Variants in CMTM2 observed in about 807,000 individuals in gnomAD.
CMTM2 encodes the protein CKLF-like MARVEL transmembrane domain-containing protein 2.
In CMTM2, 15 loss-of-function variants were observed where a neutral mutation model predicts 16.8. The ratio of observed to expected loss-of-function variants is 0.89; its 90% CI spans 0.60 to 1.37. CMTM2 has a LOEUF of 1.37. Among genes scored for constraint, CMTM2 ranks in the 40% most tolerant of loss-of-function variants. The probability of loss-of-function intolerance (pLI) is 0.00; values close to 1 mark genes in which losing one functional copy is unlikely to be tolerated. For synonymous variants in CMTM2, 117 were observed against 118.7 expected, an observed-to-expected ratio of 0.99 and a Z score of 0.09; for missense variants, 282 against 318.0, an observed-to-expected ratio of 0.89 and a Z score of 0.86.
intron 2 of CMTM2, among the ~76,000 whole-genome samples, chr16:66,583,588 A>G (rs780114002): frequency 7.2e-5 from 11 of 152,232 alleles, no homozygotes; most frequent in Non-Finnish European, 1.5e-5. Flanking sequence ...GTAAGACACT[A>G]CATAGAGATT....
chr16:66,582,532 C>T (rs2014747647), intron 2 of CMTM2, among the ~76,000 whole-genome samples: 1 of 152,140 alleles, frequency 6.6e-6, no homozygotes, highest in Admixed American at 6.5e-5. Context: ...GAGACCCTGT[C>T]TCTACAAAAA....
intron 2 of CMTM2, among the ~76,000 whole-genome samples, chr16:66,582,791 A>G (rs1257686773): frequency 1.3e-5 from 2 of 151,976 alleles, no homozygotes; most frequent in Non-Finnish European, 2.9e-5. Flanking sequence ...GGAGAATGGC[A>G]TGAACCCGGG....
chr16:66,582,852 C>T (rs971751278), intron 2 of CMTM2, among the ~76,000 whole-genome samples: 2 of 151,476 alleles, frequency 1.3e-5, no homozygotes, highest in South Asian at 2.1e-4. Flanking sequence ...CCAGCCTGGG[C>T]GACAGAGTGA....
At position 66,580,139 on chromosome 16, in the gene CMTM2, C is replaced by G. The variant is rs2014702530; in HGVS notation, c.399C>G (p.Ser133Arg). Residue 133 changes from serine (S) to arginine (R), a missense_variant, in exon 2 of 4, where the codon AGC (serine) becomes AGG (arginine). Ser to Arg is a moderately radical substitution (Grantham distance 110). Coordinates refer to ENST00000268595, the MANE Select transcript of CMTM2 (RefSeq NM_144673.3). ...TCAGCTTCTTCATCTTACTGTACAGCTTTGCCATTCATAGATACATACCCT... is the reference window on the plus strand; with the variant it reads ...TCAGCTTCTTCATCTTACTGTACAGGTTTGCCATTCATAGATACATACCCT... ...SFFSFFILLY[S>R]FAIHRYIPFI... 6.2e-7 allele frequency: 1 copy of G among 1,614,174 alleles called. No homozygotes were observed. The highest frequency in any genetic ancestry group is 8.5e-7 in the Non-Finnish European group (1 of 1,180,022).
intron 3 of CMTM2, among the ~76,000 whole-genome samples, chr16:66,587,416 G>T (rs2014806136): frequency 6.6e-6 from 1 of 152,126 alleles, no homozygotes; most frequent in African/African-American, 2.4e-5. Flanking sequence ...AATTAGCCAG[G>T]CATGGTGGCA....
rs2014702167 is a variant in CMTM2, at chr16:66,580,119, T to A, written c.379T>A (p.Phe127Ile). The A allele has an allele frequency of 1.9e-6, 3 of 1,614,088 alleles. No individual in the cohort carries two copies. The highest frequency in any genetic ancestry group is 2.5e-6 in the Non-Finnish European group (3 of 1,180,030). Reference sequence around the variant, plus strand: ...CACCATGGAGATATCCTTCTTCAGCTTCTTCATCTTACTGTACAGCTTTGC... The same window carrying A: ...CACCATGGAGATATCCTTCTTCAGCATCTTCATCTTACTGTACAGCTTTGC... Reference protein sequence around the residue: ...IITMEISFFSFFILLYSFAIH... With the variant: ...IITMEISFFSIFILLYSFAIH... The change falls in exon 2 of 4, where the codon TTC (phenylalanine) becomes ATC (isoleucine). Residue 127 changes from phenylalanine to isoleucine, a missense_variant. Coordinates refer to ENST00000268595, the MANE Select transcript of CMTM2 (RefSeq NM_144673.3).
intron 2 of CMTM2, among the ~76,000 whole-genome samples, chr16:66,586,480 A>G (rs966735699): frequency 6.6e-6 from 1 of 152,038 alleles, no homozygotes; most frequent in Non-Finnish European, 1.5e-5. Context: ...TCTACTAAAA[A>G]TACACACAAA....
intron 2 of CMTM2, chr16:66,580,521 T>C (rs1045433131): frequency 9.1e-5 from 26 of 285,010 alleles, no homozygotes; most frequent in Non-Finnish European, 1.5e-4. Flanking sequence ...AGCTCACACT[T>C]GACAGGAGAT....
Position 66,579,544 on chromosome 16 carries a change from C to A in CMTM2, c.-64C>A. 4.4e-6 allele frequency: 7 copies of A among 1,594,204 alleles called. No homozygotes were observed. Among genetic ancestry groups the A allele is most frequent in the Non-Finnish European group, 6.0e-6 (7 of 1,171,476 alleles). On this transcript the variant is annotated 5_prime_UTR_variant, in exon 1 of 4. Coordinates refer to ENST00000268595, the MANE Select transcript of CMTM2 (RefSeq NM_144673.3). This position sits in a 1 kb window ranked among gnomAD's most constrained non-coding sequence, Gnocchi z 6.5. Reference sequence around the variant, plus strand: ...AGGCACTCTAGTAGGCCTGGCCTACCCAGAAACAGCAGGAGAGAGAAGAAA... The same window carrying A: ...AGGCACTCTAGTAGGCCTGGCCTACACAGAAACAGCAGGAGAGAGAAGAAA...
At chr16:66,584,316 G>A (rs1308921274) in intron 2 of CMTM2, among the ~76,000 whole-genome samples, 2 of 152,098 alleles carry the variant, frequency 1.3e-5, no homozygotes, top group Non-Finnish European at 2.9e-5. Flanking sequence ...TTACAGGTGT[G>A]AGCCACCACA....
chr16:66,585,577 G>C (rs948921998), intron 2 of CMTM2, among the ~76,000 whole-genome samples: 1 of 152,098 alleles, frequency 6.6e-6, no homozygotes, highest in Admixed American at 6.5e-5. Flanking sequence ...AATTCAGACA[G>C]GAAAACTGCA....
At position 66,580,150 on chromosome 16, in the gene CMTM2, A is replaced by T. The variant is rs375827407; in HGVS notation, c.410A>T (p.His137Leu). The change falls in exon 2 of 4, where the codon CAT becomes CTT. Residue 137 changes from histidine (H) to leucine (L), a missense_variant. His to Leu is a moderately conservative substitution (Grantham distance 99). Coordinates refer to ENST00000268595, the MANE Select transcript of CMTM2 (RefSeq NM_144673.3). Reference sequence around the variant, plus strand: ...ATCTTACTGTACAGCTTTGCCATTCATAGATACATACCCTTCATCCTGTGG... The same window carrying T: ...ATCTTACTGTACAGCTTTGCCATTCTTAGATACATACCCTTCATCCTGTGG... ...FFILLYSFAIHRYIPFILWPI... is the reference protein window; with the variant it reads ...FFILLYSFAILRYIPFILWPI... 3 of 1,614,202 alleles carry T rather than the reference A, an allele frequency of 1.9e-6. No individual in the cohort carries two copies. The Admixed American group carries it at 5.0e-5, about 27-fold the overall frequency.
At chr16:66,587,804 G>A in intron 3 of CMTM2, 115 bp from the exon 4 acceptor site, 1 of 1,032,980 alleles carries the variant, frequency 9.7e-7, no homozygotes, top group Admixed American at 2.0e-5. Context: ...GTTGACATTT[G>A]AGGGGACATG....
chr16:66,585,599 A>T (rs989315905), intron 2 of CMTM2, among the ~76,000 whole-genome samples: 1 of 152,196 alleles, frequency 6.6e-6, no homozygotes, highest in Non-Finnish European at 1.5e-5. Context: ...ATCAGCTTCC[A>T]AAAGTTGGAG....
At chr16:66,580,522 G>C in intron 2 of CMTM2, 1 of 285,416 alleles carries the variant, frequency 3.5e-6, no homozygotes, top group African/African-American at 2.2e-5. Context: ...GCTCACACTT[G>C]ACAGGAGATC....
intron 2 of CMTM2, among the ~76,000 whole-genome samples, chr16:66,582,030 A>G (rs1045366689): frequency 3.3e-5 from 5 of 152,194 alleles, no homozygotes; most frequent in Non-Finnish European, 7.3e-5. Flanking sequence ...CAAAACTACT[A>G]AACACCTGAT....
Position 66,587,921 on chromosome 16 carries a change from C to T in CMTM2, c.549C>T (p.Ile183=). The change falls in exon 4 of 4, where the codon ATC becomes ATT. Residue 183 remains isoleucine (I), a splice_region_variant and synonymous_variant. Coordinates refer to ENST00000268595, the MANE Select transcript of CMTM2 (RefSeq NM_144673.3). ...ATGAGGACCGTTTTGTTTTCCAGAT[C>T]CTTATTGGTGCGGCTGGAGTTTTTG... ...SMNLHYLLAV[I]LIGAAGVFAF... 1.9e-6 allele frequency: 3 copies of T among 1,614,034 alleles called. No individual in the cohort carries two copies. Among genetic ancestry groups the T allele is most frequent in the Non-Finnish European group, 2.5e-6 (3 of 1,180,006 alleles).
At position 66,580,060 on chromosome 16, in the gene CMTM2, C is replaced by A. The variant is rs777736525; in HGVS notation, c.320C>A (p.Ser107Ter). 2.7e-5 allele frequency: 44 copies of A among 1,614,100 alleles called. No homozygotes were observed. In the Admixed American group the frequency reaches 5.7e-4, roughly 21 times the overall value. Residue 107 changes from serine to a stop codon, truncating the protein, a stop_gained, in exon 2 of 4, where the codon TCA (serine) becomes TAA (stop). Coordinates refer to ENST00000268595, the MANE Select transcript of CMTM2 (RefSeq NM_144673.3). LOFTEE classifies it high-confidence loss of function. ...CLIAAMILLSSLTVHPILRLI... is the reference protein window; with the variant it reads ...CLIAAMILLS ...ATAGCTGCAATGATACTGTTGTCCTCACTCACCGTGCACCCCATCTTGAGG... is the reference window on the plus strand; with the variant it reads ...ATAGCTGCAATGATACTGTTGTCCTAACTCACCGTGCACCCCATCTTGAGG...
At chr16:66,585,975 G>A (rs1177783716) in intron 2 of CMTM2, among the ~76,000 whole-genome samples, 1 of 152,210 alleles carries the variant, frequency 6.6e-6, no homozygotes, top group Admixed American at 6.5e-5. Context: ...GGAGAAATGC[G>A]GGAGGAAGCC....
Sources: gnomAD v4.1 joint callset for allele counts (sites outside exome capture counted in the v4.1 genomes callset) on GRCh38, gnomAD v4.1.1 for gene constraint, Gnocchi (gnomAD v3.1) non-coding constraint, MANE v1.5 for transcripts, NCBI Gene and HGNC (gene_info 2026-07-23, HGNC 2026-07-21) for gene names.